Variants in CYFIP2 observed in about 807,000 individuals in gnomAD.
CYFIP2 encodes the protein cytoplasmic FMR1 interacting protein 2, also known as cytoplasmic FMR1-interacting protein 2.
In CYFIP2, 29 loss-of-function variants were observed where a neutral mutation model predicts 158.7. The observed-to-expected ratio is 0.18, with a 90% CI of 0.14 to 0.25. The LOEUF (loss-of-function observed/expected upper bound fraction) is 0.25, where lower values mean the gene tolerates loss of function less well. Among genes scored for constraint, CYFIP2 ranks in the 10% least tolerant of loss-of-function variants. The probability of loss-of-function intolerance (pLI) is 1.00; values close to 1 mark genes in which losing one functional copy is unlikely to be tolerated. For synonymous variants in CYFIP2, 585 were observed against 617.6 expected (o/e 0.95, Z 0.78); for missense variants, 852 against 1,639.5 (o/e 0.52, Z 8.29).
Position 157,392,991 on chromosome 5 carries a change from C to A in CYFIP2, c.3753C>A (p.Thr1251=), listed in dbSNP as rs375865980. 58 of 1,613,764 alleles carry A rather than the reference C, an allele frequency of 3.6e-5. No homozygotes were observed. The highest frequency in any genetic ancestry group is 4.9e-5 in the Non-Finnish European group (58 of 1,179,814). ...CACCCATCCACCAGTCCTTGGCCAC[C>A]ACTTGCTAAGCAGAAGATCCTGCAG... The part of the protein sequence containing the change: ...FQPPIHQSLA[T]TC Residue 1251 remains threonine (T), a synonymous_variant, in exon 31 of 31, where the codon ACC becomes ACA. Transcript: ENST00000620254.
At chr5:157,374,591 C>CA (rs1328490595) in intron 26 of CYFIP2, among the ~76,000 whole-genome samples, 1 of 152,160 alleles carries the variant, frequency 6.6e-6, no homozygotes, top group Admixed American at 6.5e-5. Context: ...CAGGTGCTGG[C>CA]ATTTGTCTTG....
At chr5:157,381,390 G>C (rs1766057455) in intron 26 of CYFIP2, among the ~76,000 whole-genome samples, 1 of 151,770 alleles carries the variant, frequency 6.6e-6, no homozygotes, top group South Asian at 2.1e-4. Flanking sequence ...AGCCAGGCAT[G>C]ATGGCGAGCG....
intron 3 of CYFIP2, among the ~76,000 whole-genome samples, chr5:157,289,104 A>G (rs1757623818): frequency 6.6e-6 from 1 of 152,238 alleles, no homozygotes; most frequent in Non-Finnish European, 1.5e-5. Context: ...GTTAATAAGC[A>G]GGTTGCTCAT....
chr5:157,387,678 T>C (rs977750037), intron 28 of CYFIP2, among the ~76,000 whole-genome samples: 3 of 151,142 alleles, frequency 2.0e-5, no homozygotes, highest in African/African-American at 4.8e-5. Flanking sequence ...CTCAGGATTT[T>C]TTTTTTTTTT....
intron 4 of CYFIP2, chr5:157,296,460 G>A (rs1580997663): frequency 1.8e-6 from 1 of 543,408 alleles, no homozygotes; most frequent in East Asian, 4.3e-5. Flanking sequence ...TGGATATAGT[G>A]TTGCATGCCT....
intron 1 of CYFIP2, among the ~76,000 whole-genome samples, chr5:157,278,381 G>A (rs1756728691): frequency 6.6e-6 from 1 of 152,034 alleles, no homozygotes; most frequent in African/African-American, 2.4e-5. Flanking sequence ...TCTTGAGGAA[G>A]GAAAAAGCAG....
chr5:157,323,279 C>T (rs1760751326), intron 15 of CYFIP2, among the ~76,000 whole-genome samples: 1 of 152,212 alleles, frequency 6.6e-6, no homozygotes, highest in Non-Finnish European at 1.5e-5. Flanking sequence ...CTTCAGCAGG[C>T]TGTGCAGTGC....
chr5:157,362,308 G>A (rs1763909510), intron 26 of CYFIP2, among the ~76,000 whole-genome samples: 1 of 152,188 alleles, frequency 6.6e-6, no homozygotes, highest in South Asian at 2.1e-4. Context: ...TCTTATCTGA[G>A]GTCTGCATGC....
chr5:157,269,563 T>C (rs538522375), intron 1 of CYFIP2: 8 of 152,154 alleles, frequency 5.3e-5, no homozygotes, highest in African/African-American at 1.9e-4. Flanking sequence ...CTGCCTGTCA[T>C]CATGAAAGCC....
intron 19 of CYFIP2, among the ~76,000 whole-genome samples, chr5:157,328,293 C>T (rs1761183771): frequency 6.6e-6 from 1 of 152,190 alleles, no homozygotes; most frequent in South Asian, 2.1e-4. Context: ...TGCACAGTGA[C>T]AAGGAGGTTA....
At position 157,368,536 on chromosome 5, in the gene CYFIP2, A is replaced by C. The variant is rs546121140; in HGVS notation, c.3039+6938A>C. On this transcript the variant is annotated intron_variant, in intron 26 of 30. Coordinates refer to ENST00000620254, the MANE Select transcript of CYFIP2 (RefSeq NM_001037333.3). ...GCCTTTCTGTATGAGTGTTTCTCTT[A>C]GCCCAGACACAGATTATGTTTTTGG... Among the ~76,000 whole-genome samples the C allele has an allele frequency of 3.9e-5, 6 of 152,334 alleles. No individual in the cohort carries two copies. The South Asian group carries it at 1.2e-3, about 32-fold the overall frequency.
At chr5:157,333,556 G>T in intron 21 of CYFIP2, 110 bp downstream of exon 21, 1 of 1,438,108 alleles carries the variant, frequency 7.0e-7, no homozygotes, top group Non-Finnish European at 9.6e-7. Flanking sequence ...GGGGCAGTGA[G>T]TCTCTTTCCC....
In CYFIP2 at chr5:157,394,317, A is replaced by G. The variant is rs187411866; in HGVS notation, c.*1317A>G. 6.6e-6 allele frequency: 1 copy of G among 152,352 alleles called. No individual in the cohort carries two copies. Among genetic ancestry groups the G allele is most frequent in the East Asian group, 1.9e-4 (1 of 5,190 alleles). 9.4% of individuals were successfully genotyped at this position (152,352 alleles called of 1,614,324 possible). On this transcript the variant is annotated 3_prime_UTR_variant, in exon 31 of 31. Transcript: ENST00000620254. ...ACAGAGCATGTCATTGTCAAAGGAAATCTGTGGCCCTGAGATTTTAAGAAC... is the reference window on the plus strand; with the variant it reads ...ACAGAGCATGTCATTGTCAAAGGAAGTCTGTGGCCCTGAGATTTTAAGAAC...
chr5:157,307,710 T>C (rs202130977), intron 8 of CYFIP2, 51 bp from the exon 9 acceptor site: 1 of 1,212,364 alleles, frequency 8.2e-7, no homozygotes, highest in Non-Finnish European at 1.2e-6. Context: ...GTTTTTAAAC[T>C]TTTCCAGCAG....
intron 21 of CYFIP2, among the ~76,000 whole-genome samples, chr5:157,338,333 C>T (rs1287448841): frequency 6.6e-6 from 1 of 152,202 alleles, no homozygotes; most frequent in African/African-American, 2.4e-5. Flanking sequence ...CTTTGCCAAC[C>T]CCATGTGATA....
intron 23 of CYFIP2, among the ~76,000 whole-genome samples, chr5:157,349,901 A>G (rs900640759): frequency 3.9e-5 from 6 of 152,118 alleles, no homozygotes; most frequent in Non-Finnish European, 8.8e-5. Context: ...TTTGTTGGCC[A>G]TTTGTATATC....
intron 20 of CYFIP2, among the ~76,000 whole-genome samples, chr5:157,331,488 ATGT>A (rs1468387129): frequency 5.9e-5 from 9 of 151,510 alleles, no homozygotes; most frequent in Admixed American, 2.6e-4. Flanking sequence ...TGTGCTTATT[ATGT>A]GGTCCTGGTC....
In CYFIP2 at chr5:157,311,011, C is replaced by T; in HGVS notation, c.993-653C>T. ...TCCTCTCTGACTTAGGATGGTTTTC[C>T]TAATGACATCTTTTCACAAGGCGTG... On this transcript the variant is annotated intron_variant, in intron 10 of 30. Coordinates refer to ENST00000620254, the MANE Select transcript of CYFIP2 (RefSeq NM_001037333.3). The surrounding 1 kb of genome is among the most constrained non-coding windows in gnomAD (Gnocchi z 4.7). 2.2e-6 allele frequency: 1 copy of T among 453,778 alleles called. No individual in the cohort carries two copies. Among genetic ancestry groups the T allele is most frequent in the Non-Finnish European group, 4.4e-6 (1 of 226,638 alleles). The allele number at this position is 453,778 out of a possible 1,614,324, so 28.1% of individuals were successfully genotyped here.
At chr5:157,330,306 AAAT>A (rs1761356506) in intron 19 of CYFIP2, among the ~76,000 whole-genome samples, 1 of 151,284 alleles carries the variant, frequency 6.6e-6, no homozygotes, top group African/African-American at 2.4e-5. Flanking sequence ...AGTGCCTGGG[AAAT>A]AATAAACACT....
Sources: gnomAD v4.1 joint callset for allele counts (sites outside exome capture counted in the v4.1 genomes callset) on GRCh38, gnomAD v4.1.1 for gene constraint, Gnocchi (gnomAD v3.1) non-coding constraint, MANE v1.5 for transcripts, NCBI Gene and HGNC (gene_info 2026-07-23, HGNC 2026-07-21) for gene names.